SLC19A1: variants seen among roughly 807,000 people sequenced by gnomAD.
SLC19A1 encodes the protein solute carrier family 19 member 1, also known as reduced folate transporter.
SLC19A1 carries 37 observed loss-of-function variants against 35.3 expected under a neutral mutation model. The ratio of observed to expected loss-of-function variants is 1.05; its 90% confidence interval spans 0.81 to 1.38. The LOEUF is 1.38. Ranked by LOEUF, SLC19A1 falls within the 40% of genes most tolerant of loss-of-function variation. The pLI, the probability that SLC19A1 is intolerant of heterozygous loss-of-function variation, is 0.00. For synonymous variants in SLC19A1, 460 were observed against 398.5 expected (o/e 1.15, Z -1.84); for missense variants, 831 against 826.9 (o/e 1.00, Z -0.06).
rs2037850955 is a variant in SLC19A1 at position 45,515,388 on chromosome 21, C to A, written c.*270G>T. Reference sequence around the variant, plus strand: ...CCCCAAGGGGCATGAGCCAGTGAGGCCTGGTGGACGCAGAAGCCCACCACC... The same window carrying A: ...CCCCAAGGGGCATGAGCCAGTGAGGACTGGTGGACGCAGAAGCCCACCACC... On this transcript the variant is annotated 3_prime_UTR_variant, in exon 6 of 6. Transcript: ENST00000311124. The A allele has an allele frequency of 4.9e-6, 7 of 1,436,340 alleles. No individual in the cohort carries two copies. The South Asian group carries it at 1.0e-4, about 21-fold the overall frequency. The allele number at this position is 1,436,340 out of a possible 1,614,324, so 89.0% of individuals were successfully genotyped here.
In SLC19A1 at chr21:45,505,126, G is replaced by T. The variant is rs770714794; in HGVS notation, c.498-6514C>A. The T allele has an allele frequency of 1.3e-4, 205 of 1,607,434 alleles. 1 individual carries two copies. The highest frequency in any genetic ancestry group is 1.6e-4 in the Non-Finnish European group (187 of 1,178,436). ...TAACCAGGAAGCGTCTCTTGTCGCC[G>T]TCCGTAGGGTCCCAAGGGAGAGAGC... is the stretch of plus-strand genomic sequence containing the variant. On this transcript the variant is annotated intron_variant, in intron 3 of 4. Coordinates refer to the SLC19A1 transcript ENST00000417954.
At chr21:45,537,719 T>TGGGGGGGGCCCCCCCCCCCCCC in intron 2 of SLC19A1, 52 bp downstream of exon 2, 2 of 319,776 alleles carry the variant, frequency 6.3e-6, no homozygotes, top group Non-Finnish European at 1.1e-5. Flanking sequence ...CAGACGCTGC[T>TGGGGGGGGCCCCCCCCCCCCCC]CCCCGCCCAC....
At chr21:45,505,283 GTCAGT>G in intron 3 of SLC19A1, 1 of 1,608,908 alleles carries the variant, frequency 6.2e-7, no homozygotes, top group South Asian at 1.1e-5. Context: ...GGCAGAGTAA[GTCAGT>G]GGGGAGTGGG....
intron 5 of SLC19A1, among the ~76,000 whole-genome samples, chr21:45,525,442 G>A (rs938886304): frequency 2.0e-5 from 3 of 152,254 alleles, no homozygotes; most frequent in African/African-American, 7.2e-5. Flanking sequence ...ACTGCTGAGT[G>A]GCTCTGCTCA....
chr21:45,528,102 A>C (rs2077711922), intron 4 of SLC19A1, among the ~76,000 whole-genome samples: 1 of 151,098 alleles, frequency 6.6e-6, no homozygotes, highest in African/African-American at 2.4e-5. Flanking sequence ...GCTCGGGGGC[A>C]GGCAGGCAGG....
chr21:45,511,851 C>T (rs973923591), downstream of SLC19A1, among the ~76,000 whole-genome samples: 1 of 152,162 alleles, frequency 6.6e-6, no homozygotes, highest in Non-Finnish European at 1.5e-5. Context: ...GCCAGGAGCC[C>T]GGGAGGCGGA....
chr21:45,527,257 C>T (rs1464832180), intron 4 of SLC19A1, among the ~76,000 whole-genome samples: 1 of 129,426 alleles, frequency 7.7e-6, no homozygotes, highest in African/African-American at 3.1e-5. Flanking sequence ...GGCCTGGAGG[C>T]GGGGCAGGCC....
Position 45,531,772 on chromosome 21 carries a change from G to A in SLC19A1, c.566C>T (p.Ser189Leu). ...RVSFSTLNYI[S>L]LAFLTFSVVL... ...CACGCTGAAGGTGAGGAAGGCCAGCGAGATGTAGTTGAGCGTGGAGAAGGA... is the reference window on the plus strand; with the variant it reads ...CACGCTGAAGGTGAGGAAGGCCAGCAAGATGTAGTTGAGCGTGGAGAAGGA... Residue 189 changes from serine (S) to leucine (L), a missense_variant, in exon 3 of 6, where the codon TCG becomes TTG. Ser to Leu is a moderately radical substitution (Grantham distance 145). Transcript: ENST00000311124. 2 of 1,608,112 alleles carry A rather than the reference G, an allele frequency of 1.2e-6. No homozygotes were observed. Among genetic ancestry groups the A allele is most frequent in the Non-Finnish European group, 1.7e-6 (2 of 1,177,422 alleles).
At chr21:45,549,259 TGGG>T (rs1353363874), upstream of SLC19A1, among the ~76,000 whole-genome samples, 1 of 152,096 alleles carries the variant, frequency 6.6e-6, no homozygotes, top group Non-Finnish European at 1.5e-5. Flanking sequence ...GAGTCCAGCC[TGGG>T]AAAGTCCATC....
Position 45,532,139 on chromosome 21 carries a change from C to T in SLC19A1, c.199G>A (p.Glu67Lys), listed in dbSNP as rs374348834. 10 of 1,596,426 alleles carry T rather than the reference C, an allele frequency of 6.3e-6. No homozygotes were observed. Among genetic ancestry groups the T allele is most frequent in the African/African-American group, 1.3e-5 (1 of 74,746 alleles). ...KNFTREQVTN[E>K]ITPVLSYSYL... ...GAGTACGACAGCACCGGCGTGATCT[C>T]GTTCGTGACCTGCGGACAGGCGGGC... Residue 67 changes from glutamate (E) to lysine (K), a missense_variant, in exon 3 of 6, where the codon GAG becomes AAG. Glu to Lys is a moderately conservative substitution (Grantham distance 56). Coordinates refer to ENST00000311124, the MANE Select transcript of SLC19A1 (RefSeq NM_194255.4).
chr21:45,512,903 G>A lies in SLC19A1; in HGVS notation c.*2755C>T, dbSNP rs886057141. ...CCTCCAGGGTGTGTGCTCGCCCTGC[G>A]GTAGATGGGAGGGAGGCTCAGGTCC... On this transcript the variant is annotated 3_prime_UTR_variant, in exon 6 of 6. Transcript: ENST00000311124. 7.5e-5 allele frequency: 15 copies of A among 199,212 alleles called. No individual in the cohort carries two copies. Among genetic ancestry groups the A allele is most frequent in the Middle Eastern group, 2.2e-3 (1 of 446 alleles). The allele number at this position is 199,212 out of a possible 1,614,324, so 12.3% of individuals were successfully genotyped here.
chr21:45,515,175 AAG>A lies in SLC19A1; in HGVS notation c.*481_*482del. ...ATTCTACGTCAGTTAAAAAAAAAAAAAGCATCTTTCAAAAAAGCAAGAGCACC... is the reference window on the plus strand; with the variant it reads ...ATTCTACGTCAGTTAAAAAAAAAAAACATCTTTCAAAAAAGCAAGAGCACC... On this transcript the variant is annotated 3_prime_UTR_variant, in exon 6 of 6. Transcript: ENST00000311124. 2.0e-6 allele frequency: 3 copies of A among 1,517,804 alleles called. No individual in the cohort carries two copies. The highest frequency in any genetic ancestry group is 2.4e-5 in the Admixed American group (1 of 42,318). The allele number at this position is 1,517,804 out of a possible 1,614,324, so 94.0% of individuals were successfully genotyped here.
downstream of SLC19A1, chr21:45,510,150 G>A (rs766863382): frequency 4.5e-5 from 72 of 1,599,024 alleles, 1 homozygote; most frequent in East Asian, 1.6e-3. Context: ...AGCAGGCGCG[G>A]GCCGTGGGGC....
At chr21:45,507,617 G>C, downstream of SLC19A1, 1 of 1,611,292 alleles carries the variant, frequency 6.2e-7, no homozygotes, top group Non-Finnish European at 8.5e-7. Flanking sequence ...TTTCTGTTGA[G>C]ACTGGTGGGT....
At chr21:45,506,781 TTCCCTC>T (rs1489377013) in intron 3 of SLC19A1, 154 of 45,998 alleles carry the variant, frequency 3.3e-3, no homozygotes, top group African/African-American at 0.013. Flanking sequence ...CCCTCCCACC[TTCCCTC>T]TGGAGCCCTC....
At chr21:45,528,324 G>A (rs372064839) in intron 4 of SLC19A1, among the ~76,000 whole-genome samples, 22 of 152,278 alleles carry the variant, frequency 1.4e-4, no homozygotes, top group African/African-American at 4.6e-4. Context: ...AGTGTGGGGC[G>A]TGATGGGGGC....
intron 1 of SLC19A1, among the ~76,000 whole-genome samples, chr21:45,549,990 G>A (rs2146487223): frequency 6.6e-6 from 1 of 152,164 alleles, no homozygotes; most frequent in East Asian, 1.9e-4. Context: ...CCAGGCTGCA[G>A]AGCCCCGAAC....
At chr21:45,503,753 T>G (rs532535363) in intron 3 of SLC19A1, among the ~76,000 whole-genome samples, 1 of 151,814 alleles carries the variant, frequency 6.6e-6, no homozygotes, top group South Asian at 2.1e-4. Context: ...AACCTGCACA[T>G]CATGCACATG....
intron 1 of SLC19A1, among the ~76,000 whole-genome samples, chr21:45,562,092 T>C (rs542059748): frequency 1.8e-3 from 257 of 146,112 alleles, no homozygotes; most frequent in African/African-American, 6.1e-3. Context: ...GATCGCGCCA[T>C]TGCACTCCAG....
Sources: allele counts gnomAD v4.1 joint callset (sites outside exome capture counted in the v4.1 genomes callset), GRCh38; gene constraint gnomAD v4.1.1; transcripts MANE v1.5; gene names NCBI Gene and HGNC (gene_info 2026-07-23, HGNC 2026-07-21).